The following ZFYVE28 variants were observed in gnomAD, a reference collection of about 807,000 sequenced individuals.
ZFYVE28 encodes the protein zinc finger FYVE-type containing 28, also known as lateral signaling target protein 2 homolog.
Under a neutral mutation model 82.1 loss-of-function variants are expected in ZFYVE28, and 40 were observed. That is an observed-to-expected ratio of 0.49 (90% confidence interval 0.38 to 0.63). ZFYVE28 has a LOEUF of 0.63. ZFYVE28 is among the 30% of genes least tolerant of loss of function. ZFYVE28 has a pLI of 0.00. For synonymous variants in ZFYVE28, 612 were observed against 546.1 expected (o/e 1.12, Z -1.68); for missense variants, 1,321 against 1,242.1 (o/e 1.06, Z -0.96).
intron 8 of ZFYVE28, among the ~76,000 whole-genome samples, chr4:2,299,852 A>C (rs956973836): frequency 6.6e-6 from 1 of 151,988 alleles, no homozygotes; most frequent in Non-Finnish European, 1.5e-5. Context: ...GCTGCAGTAC[A>C]GTGGTACAGT....
intron 1 of ZFYVE28, among the ~76,000 whole-genome samples, chr4:2,403,252 A>T (rs545062829): frequency 2.0e-5 from 3 of 152,302 alleles, no homozygotes; most frequent in African/African-American, 7.2e-5. Flanking sequence ...CCTGTACCCC[A>T]GCGTCGGGTC....
intron 8 of ZFYVE28, among the ~76,000 whole-genome samples, chr4:2,291,764 C>A (rs1205186353): frequency 6.6e-6 from 1 of 152,234 alleles, no homozygotes; most frequent in Non-Finnish European, 1.5e-5. Context: ...GCCCATCCCA[C>A]TCCCCACACG....
intron 7 of ZFYVE28, among the ~76,000 whole-genome samples, chr4:2,316,909 G>A (rs1718300095): frequency 6.6e-6 from 1 of 151,632 alleles, no homozygotes; most frequent in Non-Finnish European, 1.5e-5. Context: ...AGCCAGGATG[G>A]TCTCGATCTC....
At chr4:2,275,070 T>C (rs1577854631) in intron 8 of ZFYVE28, among the ~76,000 whole-genome samples, 1 of 145,322 alleles carries the variant, frequency 6.9e-6, no homozygotes, top group African/African-American at 2.6e-5. Flanking sequence ...GCCCGGGACC[T>C]CCAGGGGCCT....
intron 1 of ZFYVE28, among the ~76,000 whole-genome samples, chr4:2,393,477 T>C (rs1051157671): frequency 1.8e-4 from 28 of 152,174 alleles, no homozygotes; most frequent in African/African-American, 4.8e-5. Flanking sequence ...CCACCTACCA[T>C]GCAGGTGGGA....
At chr4:2,377,291 A>G (rs552001587) in intron 1 of ZFYVE28, among the ~76,000 whole-genome samples, 14 of 140,934 alleles carry the variant, frequency 9.9e-5, no homozygotes, top group South Asian at 2.2e-4. Flanking sequence ...AAAGTGCTGG[A>G]ATTACAGGCG....
At position 2,335,638 on chromosome 4, in the gene ZFYVE28, C is replaced by A. The variant is rs1259907578; in HGVS notation, c.701+67G>T. The A allele has an allele frequency of 4.8e-5, 70 of 1,471,270 alleles. No individual in the cohort carries two copies. The highest frequency in any genetic ancestry group is 6.0e-5 in the Non-Finnish European group (65 of 1,077,340). The allele number at this position is 1,471,270 out of a possible 1,614,324, so 91.1% of individuals were successfully genotyped here. On this transcript the variant is annotated intron_variant, in intron 6 of 12. Transcript: ENST00000290974. The surrounding 1 kb of genome is among the most constrained non-coding windows in gnomAD (Gnocchi z 5.8). ...GCCATGGACCGGCACCCGCACGGGA[C>A]CTGGCACCATCAGCCCTGCCCGTCC... is the stretch of plus-strand genomic sequence containing the variant.
intron 7 of ZFYVE28, among the ~76,000 whole-genome samples, chr4:2,315,420 C>A (rs1718062341): frequency 6.6e-6 from 1 of 152,082 alleles, no homozygotes; most frequent in African/African-American, 2.4e-5. Context: ...ATTACAGGCG[C>A]CCGCCACCAC....
chr4:2,410,117 C>G (rs533849402), intron 1 of ZFYVE28, among the ~76,000 whole-genome samples: 1 of 152,130 alleles, frequency 6.6e-6, no homozygotes, highest in South Asian at 2.1e-4. Flanking sequence ...GAGGTGAAAT[C>G]CACACAACAT....
At chr4:2,336,276 G>A (rs933851871) in intron 5 of ZFYVE28, among the ~76,000 whole-genome samples, 6 of 152,270 alleles carry the variant, frequency 3.9e-5, no homozygotes, top group East Asian at 1.9e-4. Context: ...CCTGCACCTC[G>A]TGAGCAGGCC....
chr4:2,292,379 C>T (rs539062337), intron 8 of ZFYVE28, among the ~76,000 whole-genome samples: 5 of 152,224 alleles, frequency 3.3e-5, no homozygotes, highest in South Asian at 2.1e-4. Flanking sequence ...CATAGGGCAA[C>T]GCTAGGTCGA....
chr4:2,341,536 T>C lies in ZFYVE28; in HGVS notation c.260A>G (p.Lys87Arg), dbSNP rs1360827052. 2.5e-6 allele frequency: 4 copies of C among 1,613,950 alleles called. No homozygotes were observed. Among genetic ancestry groups the C allele is most frequent in the Non-Finnish European group, 3.4e-6 (4 of 1,179,980 alleles). Residue 87 changes from lysine to arginine, a missense_variant, in exon 3 of 13, where the codon AAG becomes AGG. This residue lies in a region of ZFYVE28 where 343 missense variants were observed against 408.4 expected (regional missense o/e 0.84). Coordinates refer to ENST00000290974, the MANE Select transcript of ZFYVE28 (RefSeq NM_020972.3). This position sits in a 1 kb window ranked among gnomAD's most constrained non-coding sequence, Gnocchi z 4.5. ...GTCGTGCCGGATCTCCTCAGGGAACTTGACGCAGAAATCTCTGGGGGCGCG... is the reference window on the plus strand; with the variant it reads ...GTCGTGCCGGATCTCCTCAGGGAACCTGACGCAGAAATCTCTGGGGGCGCG... Reference protein sequence around the residue: ...QDRAPRDFCVKFPEEIRHDNL... With the variant: ...QDRAPRDFCVRFPEEIRHDNL...
intron 1 of ZFYVE28, among the ~76,000 whole-genome samples, chr4:2,373,661 C>G (rs1287950956): frequency 6.6e-6 from 1 of 152,168 alleles, no homozygotes; most frequent in Non-Finnish European, 1.5e-5. Context: ...AGCAGGGGCT[C>G]TAGAACCCAT....
At chr4:2,281,508 G>A (rs1711968611) in intron 8 of ZFYVE28, among the ~76,000 whole-genome samples, 1 of 152,196 alleles carries the variant, frequency 6.6e-6, no homozygotes, top group South Asian at 2.1e-4. Context: ...GGCATCGCAT[G>A]GGCAAGAGAG....
At chr4:2,292,388 GAGGGGCAGAC>G (rs1713862050) in intron 8 of ZFYVE28, among the ~76,000 whole-genome samples, 1 of 152,156 alleles carries the variant, frequency 6.6e-6, no homozygotes, top group South Asian at 2.1e-4. Context: ...ACGCTAGGTC[GAGGGGCAGAC>G]AGGGACAGGA....
chr4:2,344,878 A>G (rs192824550), intron 2 of ZFYVE28, among the ~76,000 whole-genome samples: 2 of 151,950 alleles, frequency 1.3e-5, no homozygotes, highest in Admixed American at 6.5e-5. Flanking sequence ...CCTGGGCAAT[A>G]TGAGCAAAAA....
intron 1 of ZFYVE28, among the ~76,000 whole-genome samples, chr4:2,402,230 T>C (rs1213729699): frequency 6.6e-6 from 1 of 152,198 alleles, no homozygotes; most frequent in Non-Finnish European, 1.5e-5. Flanking sequence ...CGTTTCAACC[T>C]GGAGACAGCC....
intron 1 of ZFYVE28, among the ~76,000 whole-genome samples, chr4:2,363,329 G>A (rs910762395): frequency 6.6e-6 from 1 of 152,194 alleles, no homozygotes; most frequent in Non-Finnish European, 1.5e-5. Flanking sequence ...GCGGCATCCA[G>A]AGATAGGGAG....
chr4:2,375,015 T>C (rs1242868989), intron 1 of ZFYVE28, among the ~76,000 whole-genome samples: 1 of 152,208 alleles, frequency 6.6e-6, no homozygotes, highest in Non-Finnish European at 1.5e-5. Context: ...CCTAAGTCCT[T>C]GTCTTTCTCT....
Sources: gnomAD v4.1 joint callset for allele counts (sites outside exome capture counted in the v4.1 genomes callset) on GRCh38, gnomAD v4.1.1 for gene constraint, gnomAD v4.1.1 regional missense constraint, Gnocchi (gnomAD v3.1) non-coding constraint, MANE v1.5 for transcripts, NCBI Gene and HGNC (gene_info 2026-07-23, HGNC 2026-07-21) for gene names.